HAT1: variants seen among roughly 807,000 people sequenced by gnomAD.
The protein encoded by HAT1 is histone acetyltransferase 1.
Under a neutral mutation model 56.6 loss-of-function variants are expected in HAT1, and 20 were observed. That is an observed-to-expected ratio of 0.35 (90% CI 0.25 to 0.51). The LOEUF is 0.51. HAT1 is among the 20% of genes least tolerant of loss of function. The probability of loss-of-function intolerance (pLI) is 0.95; values close to 1 mark genes in which losing one functional copy is unlikely to be tolerated. For missense variants in HAT1, 408 were observed against 504.3 expected (o/e 0.81, Z 1.83); for synonymous variants, 146 against 165.5 (o/e 0.88, Z 0.91).
intron 2 of HAT1, among the ~76,000 whole-genome samples, chr2:171,930,854 A>G (rs1270395845): frequency 6.6e-6 from 1 of 151,882 alleles, no homozygotes; most frequent in African/African-American, 2.4e-5. Context: ...GGCTCAAGCA[A>G]TCCTCTTGCC....
In HAT1 at chr2:171,938,037, T is replaced by TCTCTCC. The variant is rs1686916867; in HGVS notation, c.113-8666_113-8665insCCTCTC. ...TCTGTCTACTGATTCTCTCTCTCTC[T>TCTCTCC]CTCTCTCTCTCTCTCTCTCTCTCTC... On this transcript the variant is annotated intron_variant, in intron 2 of 10. Transcript: ENST00000264108. Among the ~76,000 whole-genome samples the TCTCTCC allele has an allele frequency of 3.1e-5, 3 of 95,316 alleles. No individual in the cohort carries two copies. The South Asian group carries it at 1.1e-3, about 36-fold the overall frequency. 62.5% of individuals were successfully genotyped at this position (95,316 alleles called of 152,430 possible).
chr2:171,935,536 A>AAAG lies in HAT1; in HGVS notation c.112+9897_112+9899dup, dbSNP rs1553482774. The stretch of plus-strand genomic sequence containing the variant: ...ATCTCAAAAAAAAAAAAAAAAAAAA[A>AAAG]AAGACAAAATTCATTTTAAGTCTTG... On this transcript the variant is annotated intron_variant, in intron 2 of 10. Transcript: ENST00000264108. Among the ~76,000 whole-genome samples, 300 of 138,692 alleles carry AAAG rather than the reference A, an allele frequency of 2.2e-3. 12 individuals are homozygous for AAAG. The highest frequency in any genetic ancestry group is 2.9e-3 in the Non-Finnish European group (185 of 63,774). 91.0% of individuals were successfully genotyped at this position (138,692 alleles called of 152,430 possible).
chr2:171,929,233 T>C (rs1686676929), intron 2 of HAT1, among the ~76,000 whole-genome samples: 1 of 152,190 alleles, frequency 6.6e-6, no homozygotes, highest in African/African-American at 2.4e-5. Context: ...CTATTAAGGA[T>C]TGTTTTTTTA....
intron 2 of HAT1, among the ~76,000 whole-genome samples, chr2:171,935,343 C>T (rs1210400268): frequency 2.7e-5 from 4 of 149,882 alleles, no homozygotes; most frequent in Non-Finnish European, 4.4e-5. Context: ...GGTGAAACCC[C>T]GTCTCTACTA....
At chr2:171,961,113 G>C (rs983718963) in intron 4 of HAT1, among the ~76,000 whole-genome samples, 3 of 152,106 alleles carry the variant, frequency 2.0e-5, no homozygotes, top group Admixed American at 2.0e-4. Context: ...CTGTACTCCA[G>C]CTTGGGTGAC....
At chr2:171,929,629 C>T (rs1574032906) in intron 2 of HAT1, among the ~76,000 whole-genome samples, 3 of 152,284 alleles carry the variant, frequency 2.0e-5, no homozygotes, top group African/African-American at 7.2e-5. Context: ...TGATCCATCT[C>T]ATGTTATTTT....
chr2:171,951,774 G>A (rs188775388), intron 3 of HAT1, among the ~76,000 whole-genome samples: 37 of 152,058 alleles, frequency 2.4e-4, no homozygotes, highest in African/African-American at 5.3e-4. Flanking sequence ...ACTGTTTTGC[G>A]TAATATCACT....
At chr2:171,972,741 ACTT>A (rs1242852973) in intron 8 of HAT1, among the ~76,000 whole-genome samples, 1 of 152,218 alleles carries the variant, frequency 6.6e-6, no homozygotes, top group Non-Finnish European at 1.5e-5. Flanking sequence ...GTCCATGCTT[ACTT>A]CTTCAGGGAG....
At chr2:171,943,865 T>C (rs1270428425) in intron 2 of HAT1, among the ~76,000 whole-genome samples, 2 of 151,710 alleles carry the variant, frequency 1.3e-5, no homozygotes. Context: ...TAAAAAAAAT[T>C]AGTCCAGGCA....
intron 7 of HAT1, 160 bp downstream of exon 7, chr2:171,966,673 G>A: frequency 3.2e-6 from 2 of 627,306 alleles, no homozygotes; most frequent in Non-Finnish European, 5.7e-6. Flanking sequence ...TTGAAACAGT[G>A]TAGAAGATTA....
At chr2:171,977,555 ATATTTTTTTTTT>A (rs1183964183) in intron 9 of HAT1, among the ~76,000 whole-genome samples, 494 of 11,082 alleles carry the variant, frequency 0.045, 3 homozygotes, top group Admixed American at 0.15. Flanking sequence ...ATATATATAT[ATATTTTTTTTTT>A]TTTTTTTTTT....
At chr2:171,968,664 C>T (rs1687739553) in intron 8 of HAT1, among the ~76,000 whole-genome samples, 1 of 152,138 alleles carries the variant, frequency 6.6e-6, no homozygotes, top group Non-Finnish European at 1.5e-5. Flanking sequence ...TTATTTTCAG[C>T]ATTAACATTT....
intron 2 of HAT1, among the ~76,000 whole-genome samples, chr2:171,934,517 G>A (rs1202499326): frequency 6.6e-6 from 1 of 152,154 alleles, no homozygotes; most frequent in African/African-American, 2.4e-5. Flanking sequence ...TCCTAAGTGA[G>A]ATAGTAAGCA....
At chr2:171,946,881 A>G (rs1441942659) in intron 3 of HAT1, 98 bp downstream of exon 3, 13 of 632,432 alleles carry the variant, frequency 2.1e-5, no homozygotes, top group Non-Finnish European at 3.6e-5. Context: ...TTTTCTTCTT[A>G]TTTTTAATGT....
chr2:171,925,795 G>T (rs1049849571), intron 2 of HAT1, among the ~76,000 whole-genome samples, 154 bp downstream of exon 2: 1 of 152,116 alleles, frequency 6.6e-6, no homozygotes, highest in Non-Finnish European at 1.5e-5. Flanking sequence ...ATTTTATTCA[G>T]TTTTGATTTA....
chr2:171,944,018 C>T (rs1187814744), intron 2 of HAT1, among the ~76,000 whole-genome samples: 1 of 151,794 alleles, frequency 6.6e-6, no homozygotes, highest in Non-Finnish European at 1.5e-5. Flanking sequence ...TGGTGATTTG[C>T]GCTTGTAGTC....
chr2:171,955,813 A>G lies in HAT1; in HGVS notation c.309+2812A>G, dbSNP rs190070004. 4.9e-3 allele frequency among the ~76,000 whole-genome samples: 739 copies of G among 151,998 alleles called. 7 individuals are homozygous for G. Among genetic ancestry groups the G allele is most frequent in the African/African-American group, 0.017 (699 of 41,452 alleles). On this transcript the variant is annotated intron_variant, in intron 4 of 10. Coordinates refer to ENST00000264108, the MANE Select transcript of HAT1 (RefSeq NM_003642.4). Reference sequence around the variant, plus strand: ...TAATCCCACAGCACTTTGGGAGGCCAGGGCAGGTGGATCACGAGGTCAGGA... The same window carrying G: ...TAATCCCACAGCACTTTGGGAGGCCGGGGCAGGTGGATCACGAGGTCAGGA...
chr2:171,952,283 T>G (rs182133009), intron 3 of HAT1, among the ~76,000 whole-genome samples: 79 of 152,370 alleles, frequency 5.2e-4, no homozygotes, highest in Non-Finnish European at 1.1e-3. Context: ...TAGAGTTCAC[T>G]TTTTAGAAGA....
At position 171,983,323 on chromosome 2, in the gene HAT1, C is replaced by A; in HGVS notation, c.1231C>A (p.Arg411Ser). Reference protein sequence around the residue: ...SFQELVEDYRRVIERLAQE With the variant: ...SFQELVEDYRSVIERLAQE ...TCAGGAACTAGTGGAAGATTACCGGCGTGTTATTGAACGACTTGCTCAAGA... is the reference window on the plus strand; with the variant it reads ...TCAGGAACTAGTGGAAGATTACCGGAGTGTTATTGAACGACTTGCTCAAGA... The change falls in exon 11 of 11, where the codon CGT becomes AGT. Residue 411 changes from arginine to serine, a missense_variant. Physicochemically the swap from Arg to Ser is moderately radical, Grantham distance 110. Coordinates refer to ENST00000264108, the MANE Select transcript of HAT1 (RefSeq NM_003642.4). The A allele has an allele frequency of 6.2e-7, 1 of 1,607,760 alleles. No individual in the cohort carries two copies. The highest frequency in any genetic ancestry group is 1.1e-5 in the South Asian group (1 of 90,406).
Sources: allele counts gnomAD v4.1 joint callset (sites outside exome capture counted in the v4.1 genomes callset), GRCh38; gene constraint gnomAD v4.1.1; transcripts MANE v1.5; gene names NCBI Gene and HGNC (gene_info 2026-07-23, HGNC 2026-07-21).